The following CXCL3 variants were observed in gnomAD, a reference collection of about 807,000 sequenced individuals.
CXCL3 encodes C-X-C motif chemokine ligand 3.
A neutral mutation model predicts 11.5 loss-of-function variants in CXCL3; 10 were observed. The ratio of observed to expected loss-of-function variants is 0.87; its 90% CI spans 0.54 to 1.48. The LOEUF is 1.48. Among genes scored for constraint, CXCL3 ranks in the 40% most tolerant of loss-of-function variants. The pLI is 0.00. For missense variants in CXCL3, 149 were observed against 139.1 expected, an observed-to-expected ratio of 1.07 and a Z score of -0.36; for synonymous variants, 61 against 60.9, an observed-to-expected ratio of 1.00 and a Z score of -0.01.
intron 3 of CXCL3, 125 bp downstream of exon 3, chr4:74,037,968 A>C: frequency 1.0e-6 from 1 of 994,000 alleles, no homozygotes. Flanking sequence ...TTGTGAAAAT[A>C]ATAATCACAA....
intron 1 of CXCL3, 44 bp from the exon 2 acceptor site, chr4:74,038,457 G>A (rs760702836): frequency 1.8e-5 from 28 of 1,590,646 alleles, no homozygotes; most frequent in Non-Finnish European, 2.4e-5. Flanking sequence ...CTGTCGGCGC[G>A]GGGCGCCCAC....
chr4:74,037,647 C>T (rs181272), intron 3 of CXCL3: 280,685 of 292,790 alleles, frequency 0.96, 134,912 homozygotes, highest in Non-Finnish European at 0.99. Context: ...GATTAAATAA[C>T]GTTGACAGGG....
intron 3 of CXCL3, chr4:74,037,794 C>G: frequency 2.7e-6 from 1 of 375,518 alleles, no homozygotes; most frequent in South Asian, 2.6e-5. Flanking sequence ...GGTAAACGTC[C>G]CAAAACAGGC....
Position 74,038,541 on chromosome 4 carries a change from A to C in CXCL3, c.71T>G (p.Leu24Arg). Reference sequence around the variant, plus strand: ...TGCGCGCCGGCTGGCGGCCACCAGGAGCAGGAGCAGCAGCGCCACCCGCAG... The same window carrying C: ...TGCGCGCCGGCTGGCGGCCACCAGGCGCAGGAGCAGCAGCGCCACCCGCAG... ...RLLRVALLLL[L>R]LVAASRRAAG... The change falls in exon 1 of 4, where the codon CTC becomes CGC. Residue 24 changes from leucine (L) to arginine (R), a missense_variant. Physicochemically the swap from Leu to Arg is moderately radical, Grantham distance 102. Transcript: ENST00000296026. 1 of 1,489,890 alleles carries C rather than the reference A, an allele frequency of 6.7e-7. No homozygotes were observed. The highest frequency in any genetic ancestry group is 1.3e-5 in the South Asian group (1 of 76,466). The allele number at this position is 1,489,890 out of a possible 1,614,324, so 92.3% of individuals were successfully genotyped here.
chr4:74,038,259 G>A (rs200373311), intron 2 of CXCL3, 31 bp downstream of exon 2: 37 of 1,613,638 alleles, frequency 2.3e-5, no homozygotes, highest in African/African-American at 1.6e-4. Context: ...GGACCCCAGC[G>A]GTGGCAGCGG....
rs775795288 is a variant in CXCL3 at position 74,037,228 on chromosome 4, A to G, written c.*34T>C. 4.3e-6 allele frequency: 7 copies of G among 1,613,834 alleles called. No homozygotes were observed. The Admixed American group carries it at 5.0e-5, about 12-fold the overall frequency. On this transcript the variant is annotated 3_prime_UTR_variant, in exon 4 of 4. Coordinates refer to ENST00000296026, the MANE Select transcript of CXCL3 (RefSeq NM_002090.3). ...AGGGACCACCCTGCAGGAAGTGTCA[A>G]TGATACGCTGATAAGCTTCTTACTT...
In CXCL3 at chr4:74,036,856, C is replaced by G. The variant is rs1720003177; in HGVS notation, c.*406G>C. 1 of 176,456 alleles carries G rather than the reference C, an allele frequency of 5.7e-6. No homozygotes were observed. Among genetic ancestry groups the G allele is most frequent in the African/African-American group, 2.4e-5 (1 of 42,078 alleles). The allele number at this position is 176,456 out of a possible 1,614,324, so 10.9% of individuals were successfully genotyped here. A position where few individuals can be genotyped will look rare whatever the true frequency, so the allele number is the denominator to read the frequency against. Reference sequence around the variant, plus strand: ...AGATGTGTACATACATTCCCTTACCCTAACAGTGATCCACTAATTGCTTGC... The same window carrying G: ...AGATGTGTACATACATTCCCTTACCGTAACAGTGATCCACTAATTGCTTGC... On this transcript the variant is annotated 3_prime_UTR_variant, in exon 4 of 4. Coordinates refer to ENST00000296026, the MANE Select transcript of CXCL3 (RefSeq NM_002090.3).
Position 74,037,218 on chromosome 4 carries a change from G to A in CXCL3, c.*44C>T, listed in dbSNP as rs911659448. On this transcript the variant is annotated 3_prime_UTR_variant, in exon 4 of 4. Coordinates refer to ENST00000296026, the MANE Select transcript of CXCL3 (RefSeq NM_002090.3). ...TGGTAAGGGCAGGGACCACCCTGCA[G>A]GAAGTGTCAATGATACGCTGATAAG... 1.2e-6 allele frequency: 2 copies of A among 1,613,348 alleles called. No homozygotes were observed. Among genetic ancestry groups the A allele is most frequent in the Admixed American group, 3.3e-5 (2 of 60,008 alleles).
At chr4:74,038,463 C>G in intron 1 of CXCL3, 49 bp downstream of exon 1, 1 of 1,588,304 alleles carries the variant, frequency 6.3e-7, no homozygotes, top group Non-Finnish European at 8.5e-7. Context: ...GCGCGGGGCG[C>G]CCACCCCAGC....
chr4:74,037,778 G>A, intron 3 of CXCL3: 1 of 361,072 alleles, frequency 2.8e-6, no homozygotes, highest in Non-Finnish European at 5.1e-6. Context: ...GCCCATTAGG[G>A]ACTGAGGTAA....
At chr4:74,037,306 G>A in intron 3 of CXCL3, 29 bp from the exon 4 acceptor site, 1 of 1,613,958 alleles carries the variant, frequency 6.2e-7, no homozygotes, top group African/African-American at 1.3e-5. Context: ...TACTGTTGCA[G>A]GTGCTAAGGA....
intron 3 of CXCL3, 171 bp from the exon 4 acceptor site, chr4:74,037,448 CTTTT>C (rs3048371): frequency 3.5e-5 from 11 of 313,306 alleles, no homozygotes; most frequent in African/African-American, 2.4e-4. Context: ...CTCCTGAATG[CTTTT>C]TTTTTTTTTT....
chr4:74,038,060 C>T, intron 3 of CXCL3, 33 bp downstream of exon 3: 1 of 1,609,878 alleles, frequency 6.2e-7, no homozygotes, highest in Non-Finnish European at 8.5e-7. Flanking sequence ...CCAACGGCTC[C>T]AGTCGCCTGT....
intron 3 of CXCL3, chr4:74,037,598 A>G: frequency 2.8e-6 from 1 of 355,510 alleles, no homozygotes; most frequent in Non-Finnish European, 5.1e-6. Flanking sequence ...CCTATGAAAT[A>G]ACTACCATTA....
rs1489810699 is a variant in CXCL3, at chr4:74,038,528, G to A, written c.84C>T (p.Ala28=). 2.0e-5 allele frequency: 29 copies of A among 1,482,754 alleles called. No individual in the cohort carries two copies. Among genetic ancestry groups the A allele is most frequent in the East Asian group, 2.9e-5 (1 of 34,154 alleles). 91.8% of individuals were successfully genotyped at this position (1,482,754 alleles called of 1,614,324 possible). The stretch of plus-strand genomic sequence containing the variant: ...GGGACCCACCTGCTGCGCGCCGGCT[G>A]GCGGCCACCAGGAGCAGGAGCAGCA... The part of the protein sequence containing the change: ...VALLLLLLVA[A]SRRAAGASVV... Residue 28 remains alanine, a synonymous_variant, in exon 1 of 4, where the codon GCC becomes GCT. Coordinates refer to ENST00000296026, the MANE Select transcript of CXCL3 (RefSeq NM_002090.3).
rs1267119562 is a variant in CXCL3, at chr4:74,037,215, G to T, written c.*47C>A. On this transcript the variant is annotated 3_prime_UTR_variant, in exon 4 of 4. Transcript: ENST00000296026. ...CTCTGGTAAGGGCAGGGACCACCCT[G>T]CAGGAAGTGTCAATGATACGCTGAT... is the stretch of plus-strand genomic sequence containing the variant. The T allele has an allele frequency of 2.5e-6, 4 of 1,612,442 alleles. No homozygotes were observed. The African/African-American group carries it at 5.3e-5, about 22-fold the overall frequency.
chr4:74,038,245 T>A, intron 2 of CXCL3, 45 bp downstream of exon 2: 1 of 1,612,318 alleles, frequency 6.2e-7, no homozygotes, highest in Admixed American at 1.7e-5. Flanking sequence ...AGCGGGAGAG[T>A]CGGGGACCCC....
In CXCL3 at chr4:74,037,041, C is replaced by T. The variant is rs1035550941; in HGVS notation, c.*221G>A. The T allele has an allele frequency of 2.0e-6, 1 of 499,080 alleles. No individual in the cohort carries two copies. Among genetic ancestry groups the T allele is most frequent in the Non-Finnish European group, 3.6e-6 (1 of 278,284 alleles). The allele number at this position is 499,080 out of a possible 1,614,324, so 30.9% of individuals were successfully genotyped here. A position where few individuals can be genotyped will look rare whatever the true frequency, so the allele number is the denominator to read the frequency against. On this transcript the variant is annotated 3_prime_UTR_variant, in exon 4 of 4. Transcript: ENST00000296026. ...AGCTATGTTTGATGAAACACACTCA[C>T]ATCTTTAAATAACAGCATGTAAAAT...
At chr4:74,038,035 T>C (rs886326171) in intron 3 of CXCL3, 58 bp downstream of exon 3, 34 of 1,550,578 alleles carry the variant, frequency 2.2e-5, no homozygotes, top group Non-Finnish European at 2.8e-5. Context: ...AGGGGGCAGA[T>C]GCCAGTATTT....
Sources: allele counts gnomAD v4.1 joint callset, GRCh38; gene constraint gnomAD v4.1.1; transcripts MANE v1.5; gene names NCBI Gene and HGNC (gene_info 2026-07-23, HGNC 2026-07-21).